The following RTKN variants were observed in gnomAD, a reference collection of about 807,000 sequenced individuals.
The protein encoded by RTKN is rhotekin.
A neutral mutation model predicts 63.5 loss-of-function variants in RTKN; 49 were observed. The ratio of observed to expected loss-of-function variants is 0.77; its 90% confidence interval spans 0.61 to 0.98. The LOEUF is 0.98. Among genes scored for constraint, RTKN ranks in the 50% least tolerant of loss-of-function variants. The pLI is 0.00. For synonymous variants in RTKN, 295 were observed against 290.4 expected, an observed-to-expected ratio of 1.02 and a Z score of -0.16; for missense variants, 685 against 740.8, an observed-to-expected ratio of 0.92 and a Z score of 0.87.
chr2:74,441,763 CAGGGCGG>C lies in RTKN; in HGVS notation c.47_53del (p.Ser16TrpfsTer28), dbSNP rs1671379186. 6.2e-7 allele frequency: 1 copy of C among 1,612,110 alleles called. No homozygotes were observed. Among genetic ancestry groups the C allele is most frequent in the African/African-American group, 1.3e-5 (1 of 74,934 alleles). ...AGCGGCCGCGTTTGAACTCCATCTC[CAGGGCGG>C]AGCCCCTGGCCACGGTGACCCGGCT... On this transcript the variant is annotated frameshift_variant, in exon 1 of 12. Transcript: ENST00000272430. LOFTEE classifies it high-confidence loss of function.
Position 74,441,690 on chromosome 2 carries a change from G to T in RTKN, c.111+16C>A. ...GGGAGCCGCGGAAGGGGAAGGCAGGGACGCGAGTCTCTCACCTCGGGCAGG... is the reference window on the plus strand; with the variant it reads ...GGGAGCCGCGGAAGGGGAAGGCAGGTACGCGAGTCTCTCACCTCGGGCAGG... On this transcript the variant is annotated intron_variant, in intron 1 of 11. Coordinates refer to ENST00000272430, the MANE Select transcript of RTKN (RefSeq NM_001015055.2). 3.1e-6 allele frequency: 5 copies of T among 1,591,118 alleles called. No homozygotes were observed. In the South Asian group the frequency reaches 5.6e-5, roughly 18 times the overall value.
rs1671098137 is a variant in RTKN, at chr2:74,436,937, C to T, written c.112-4271G>A. Among the ~76,000 whole-genome samples the T allele has an allele frequency of 2.0e-5, 3 of 152,174 alleles. No homozygotes were observed. The highest frequency in any genetic ancestry group is 1.3e-4 in the Admixed American group (2 of 15,284). On this transcript the variant is annotated intron_variant, in intron 1 of 11. Transcript: ENST00000272430. The surrounding 1 kb of genome is among the most constrained non-coding windows in gnomAD (Gnocchi z 4.3). ...GCAGCATTTCCCCTGGGAAAGAGCG[C>T]AGAGCTGGGTGTCAGCTGGACCCGG...
chr2:74,433,432 C>T (rs1670874903), intron 1 of RTKN, among the ~76,000 whole-genome samples: 1 of 151,848 alleles, frequency 6.6e-6, no homozygotes, highest in African/African-American at 2.4e-5. Flanking sequence ...GTTTATCTTA[C>T]ACATATAATT....
At position 74,441,751 on chromosome 2, in the gene RTKN, G is replaced by C; in HGVS notation, c.66C>G (p.Phe22Leu). 1.3e-5 allele frequency: 21 copies of C among 1,612,268 alleles called. No individual in the cohort carries two copies. Among genetic ancestry groups the C allele is most frequent in the Non-Finnish European group, 1.7e-5 (20 of 1,179,654 alleles). Residue 22 changes from phenylalanine to leucine, a missense_variant, in exon 1 of 12, where the codon TTC becomes TTG. Coordinates refer to ENST00000272430, the MANE Select transcript of RTKN (RefSeq NM_001015055.2). ...VARGSALEME[F>L]KRGRFRLSLF... ...GGCTGAGTCGGAAGCGGCCGCGTTTGAACTCCATCTCCAGGGCGGAGCCCC... is the reference window on the plus strand; with the variant it reads ...GGCTGAGTCGGAAGCGGCCGCGTTTCAACTCCATCTCCAGGGCGGAGCCCC...
rs145047223 is a variant in RTKN at position 74,426,340 on chromosome 2, G to A, written c.1595C>T (p.Ala532Val). The change falls in exon 12 of 12, where the codon GCT becomes GTT. Residue 532 changes from alanine to valine, a missense_variant. Ala to Val is a moderately conservative substitution (Grantham distance 64). Transcript: ENST00000272430. ...AGGTGGGAGGGGGGCAACCGAGCGA[G>A]CCCTAGGGGAGTGGTCTGGGGGGAC... Reference protein sequence around the residue: ...DAVPPDHSPRARSVAPLPPQR... With the variant: ...DAVPPDHSPRVRSVAPLPPQR... The A allele has an allele frequency of 6.8e-6, 11 of 1,613,058 alleles. No homozygotes were observed. The highest frequency in any genetic ancestry group is 1.6e-4 in the Middle Eastern group (1 of 6,076).
intron 1 of RTKN, 130 bp downstream of exon 1, chr2:74,441,576 C>T (rs916889254): frequency 2.0e-5 from 13 of 645,308 alleles, no homozygotes; most frequent in Non-Finnish European, 2.7e-5. Flanking sequence ...GTCAACAACT[C>T]CGTCGGGTTT....
At chr2:74,427,852 A>T in intron 9 of RTKN, 1 of 517,148 alleles carries the variant, frequency 1.9e-6, no homozygotes, top group Non-Finnish European at 3.4e-6. Context: ...AAGGTAGGCA[A>T]GGATGCTCCA....
At chr2:74,427,300 G>C in intron 10 of RTKN, 27 bp from the exon 11 acceptor site, 4 of 1,611,642 alleles carry the variant, frequency 2.5e-6, no homozygotes, top group Non-Finnish European at 3.4e-6. Flanking sequence ...GATTAAAAGA[G>C]AGAGCCAGGC....
intron 1 of RTKN, chr2:74,439,643 T>C (rs1671242572): frequency 6.2e-7 from 1 of 1,613,632 alleles, no homozygotes; most frequent in Admixed American, 1.7e-5. Flanking sequence ...CCCGGTGCCC[T>C]TTCCCTTGTC....
At chr2:74,428,227 G>A (rs747550802) in intron 9 of RTKN, 41 bp downstream of exon 9, 6 of 1,613,746 alleles carry the variant, frequency 3.7e-6, no homozygotes, top group Middle Eastern at 1.6e-4. Context: ...AGGCTCCTGG[G>A]CCTGTGCCCT....
intron 1 of RTKN, chr2:74,440,557 T>G (rs1015012709): frequency 2.0e-6 from 2 of 985,818 alleles, no homozygotes; most frequent in African/African-American, 3.5e-5. Context: ...GCCCTGCGGC[T>G]CCGCCCCAGC....
rs1368332546 is a variant in RTKN, at chr2:74,439,851, G to C, written c.111+1855C>G. 4 of 1,365,816 alleles carry C rather than the reference G, an allele frequency of 2.9e-6. No individual in the cohort carries two copies. The African/African-American group carries it at 5.8e-5, about 20-fold the overall frequency. The allele number at this position is 1,365,816 out of a possible 1,614,324, so 84.6% of individuals were successfully genotyped here. On this transcript the variant is annotated intron_variant, in intron 1 of 11. Coordinates refer to ENST00000272430, the MANE Select transcript of RTKN (RefSeq NM_001015055.2). ...CACTGCTGCTCCGGGGCCCTGCCGG[G>C]AGCCAGGCAGGGAAGAAAAAGAAAG...
At chr2:74,430,776 G>T in intron 2 of RTKN, 99 bp from the exon 3 acceptor site, 1 of 1,214,792 alleles carries the variant, frequency 8.2e-7, no homozygotes, top group Non-Finnish European at 1.1e-6. Context: ...CAGCGCCTCA[G>T]CCACCAGGTT....
chr2:74,430,140 A>T (rs897246168), intron 5 of RTKN, 103 bp from the exon 6 acceptor site: 2 of 1,500,398 alleles, frequency 1.3e-6, no homozygotes, highest in Non-Finnish European at 9.2e-7. Flanking sequence ...AGAGAAGGCC[A>T]GGTGCCCCTC....
intron 11 of RTKN, 23 bp from the exon 12 acceptor site, chr2:74,426,597 G>T: frequency 6.6e-7 from 1 of 1,519,828 alleles, no homozygotes; most frequent in Non-Finnish European, 8.8e-7. Flanking sequence ...GAAGGGGTTG[G>T]GGGAGGGTTG....
intron 11 of RTKN, chr2:74,426,874 C>G: frequency 7.4e-7 from 1 of 1,342,544 alleles, no homozygotes; most frequent in Non-Finnish European, 9.5e-7. Context: ...AGTGAGGGGT[C>G]AGAAGAAGAG....
chr2:74,428,346 G>C lies in RTKN; in HGVS notation c.1008C>G (p.Gly336=). 6.2e-7 allele frequency: 1 copy of C among 1,614,138 alleles called. No individual in the cohort carries two copies. Among genetic ancestry groups the C allele is most frequent in the East Asian group, 2.2e-5 (1 of 44,880 alleles). ...NWAQVHGVLK[G]TNLFCYRQPE... is the part of the protein sequence containing the mutation. The stretch of plus-strand genomic sequence containing the variant: ...GTTGCCGGTAACAGAAGAGGTTTGT[G>C]CCTTTCAGAACTCCATGCACTTGTG... Residue 336 remains glycine, a synonymous_variant, in exon 9 of 12, where the codon GGC becomes GGG. Coordinates refer to ENST00000272430, the MANE Select transcript of RTKN (RefSeq NM_001015055.2).
At chr2:74,440,346 C>G in intron 1 of RTKN, 2 of 986,270 alleles carry the variant, frequency 2.0e-6, no homozygotes, top group Non-Finnish European at 2.4e-6. Context: ...CCTGGGCTCA[C>G]AATTACCTCG....
At chr2:74,438,386 T>C (rs1671170086) in intron 1 of RTKN, among the ~76,000 whole-genome samples, 1 of 152,072 alleles carries the variant, frequency 6.6e-6, no homozygotes, top group Non-Finnish European at 1.5e-5. Flanking sequence ...CCACCTGAAG[T>C]GGGAGTGAAA....
Sources: gnomAD v4.1 joint callset for allele counts (sites outside exome capture counted in the v4.1 genomes callset) on GRCh38, gnomAD v4.1.1 for gene constraint, Gnocchi (gnomAD v3.1) non-coding constraint, MANE v1.5 for transcripts, NCBI Gene and HGNC (gene_info 2026-07-23, HGNC 2026-07-21) for gene names.